The following GRB14 variants were observed in gnomAD, a reference collection of about 807,000 sequenced individuals.
GRB14 encodes growth factor receptor bound protein 14, also known as growth factor receptor-bound protein 14.
GRB14 carries 38 observed loss-of-function variants against 69.1 expected under a neutral mutation model. The observed-to-expected ratio is 0.55, with a 90% CI of 0.42 to 0.72. GRB14 has a LOEUF of 0.72. Among genes scored for constraint, GRB14 ranks in the 30% least tolerant of loss-of-function variants. The pLI is 0.00. For synonymous variants in GRB14, 247 were observed against 241.3 expected, an observed-to-expected ratio of 1.02 and a Z score of -0.22; for missense variants, 666 against 666.1, an observed-to-expected ratio of 1.00 and a Z score of 0.00.
chr2:164,539,859 A>T (rs1320219332), intron 3 of GRB14: 2 of 152,260 alleles, frequency 1.3e-5, no homozygotes, highest in Non-Finnish European at 2.9e-5. Flanking sequence ...AGTAGAAATG[A>T]CAGATAGGTG....
chr2:164,568,049 C>A (rs932740483), intron 2 of GRB14, among the ~76,000 whole-genome samples: 1 of 152,086 alleles, frequency 6.6e-6, no homozygotes, highest in Non-Finnish European at 1.5e-5. Context: ...AGTTTCAATA[C>A]AGTCTCTAAA....
At chr2:164,585,241 C>T (rs1689512261) in intron 2 of GRB14, among the ~76,000 whole-genome samples, 1 of 151,440 alleles carries the variant, frequency 6.6e-6, no homozygotes, top group Non-Finnish European at 1.5e-5. Flanking sequence ...AACCATTGCA[C>T]CTGGCCATGC....
At chr2:164,549,921 A>C (rs914000072) in intron 2 of GRB14, among the ~76,000 whole-genome samples, 1 of 139,824 alleles carries the variant, frequency 7.2e-6, no homozygotes, top group Non-Finnish European at 1.5e-5. Flanking sequence ...AATAAAATAA[A>C]ATAAAATAAA....
Position 164,602,439 on chromosome 2 carries a change from C to A in GRB14, c.324+17248G>T, listed in dbSNP as rs150129553. On this transcript the variant is annotated intron_variant, in intron 2 of 13. Transcript: ENST00000263915. ...ATTGAGATTTACATAGGGATGGAGA[C>A]AATATCCTGAAAAAAATGTGCAATT... 5.0e-3 allele frequency among the ~76,000 whole-genome samples: 768 copies of A among 152,182 alleles called. 5 individuals are homozygous for A. The highest frequency in any genetic ancestry group is 0.014 in the Middle Eastern group (4 of 294).
chr2:164,540,785 G>C (rs1300722702), intron 3 of GRB14, among the ~76,000 whole-genome samples: 6 of 152,030 alleles, frequency 3.9e-5, no homozygotes, highest in Non-Finnish European at 8.8e-5. Context: ...AATACTTTTT[G>C]TCTGTTTTGC....
Position 164,573,666 on chromosome 2 carries a change from T to C in GRB14, c.325-25850A>G, listed in dbSNP as rs1056079273. On this transcript the variant is annotated intron_variant, in intron 2 of 13. Coordinates refer to ENST00000263915, the MANE Select transcript of GRB14 (RefSeq NM_004490.3). ...TCATCTTTTCTTTATGGTTCTTCAG[T>C]AGAAGCCAGAATCTTGAGTTGCCCA... The C allele has an allele frequency of 2.5e-6, 4 of 1,581,680 alleles. No homozygotes were observed. The African/African-American group carries it at 4.1e-5, about 16-fold the overall frequency.
chr2:164,619,857 C>A (rs1269790755), intron 1 of GRB14, 38 bp from the exon 2 acceptor site: 1 of 1,541,850 alleles, frequency 6.5e-7, no homozygotes, highest in Non-Finnish European at 8.9e-7. Context: ...TTACATAAAA[C>A]AGAATGTAAA....
chr2:164,551,548 A>C (rs1365262483), intron 2 of GRB14, among the ~76,000 whole-genome samples: 1 of 152,192 alleles, frequency 6.6e-6, no homozygotes, highest in Non-Finnish European at 1.5e-5. Flanking sequence ...GTCCTATGGA[A>C]TAGATCACTA....
At chr2:164,496,249 A>T (rs895737181) in intron 12 of GRB14, among the ~76,000 whole-genome samples, 3 of 152,206 alleles carry the variant, frequency 2.0e-5, no homozygotes, top group African/African-American at 7.2e-5. Flanking sequence ...TAAATTGATA[A>T]TGATTTCATT....
At chr2:164,582,570 G>A (rs1438750699) in intron 2 of GRB14, among the ~76,000 whole-genome samples, 2 of 151,858 alleles carry the variant, frequency 1.3e-5, no homozygotes, top group African/African-American at 2.4e-5. Context: ...ACAGTCACCC[G>A]CCACCATGCC....
At chr2:164,563,975 GTAA>G (rs1404073792) in intron 2 of GRB14, among the ~76,000 whole-genome samples, 1 of 152,086 alleles carries the variant, frequency 6.6e-6, no homozygotes, top group Non-Finnish European at 1.5e-5. Context: ...TATTTAAAAG[GTAA>G]TAATAAAATT....
intron 3 of GRB14, among the ~76,000 whole-genome samples, chr2:164,541,912 G>A (rs1461202290): frequency 6.6e-6 from 1 of 152,046 alleles, no homozygotes; most frequent in Non-Finnish European, 1.5e-5. Flanking sequence ...CTATGTCCAT[G>A]AGTATCCAAT....
intron 2 of GRB14, 80 bp downstream of exon 2, chr2:164,619,607 G>A: frequency 1.1e-6 from 1 of 930,974 alleles, no homozygotes; most frequent in Non-Finnish European, 1.6e-6. Flanking sequence ...TGTTAATACT[G>A]TAAATTACGG....
intron 2 of GRB14, among the ~76,000 whole-genome samples, chr2:164,584,910 G>C (rs889855865): frequency 6.6e-6 from 1 of 151,770 alleles, no homozygotes. Flanking sequence ...AACTAGAAGA[G>C]AGAATGCATT....
chr2:164,499,905 T>C (rs1423554678), intron 9 of GRB14, among the ~76,000 whole-genome samples: 1 of 152,186 alleles, frequency 6.6e-6, no homozygotes, highest in Non-Finnish European at 1.5e-5. Context: ...AGAAATGTAA[T>C]GGTTTCTAGA....
chr2:164,540,930 T>C (rs576103404), intron 3 of GRB14, among the ~76,000 whole-genome samples: 9 of 152,034 alleles, frequency 5.9e-5, no homozygotes, highest in Non-Finnish European at 1.3e-4. Context: ...ATCTGTAAAA[T>C]GACAAGTAAA....
chr2:164,603,044 G>C (rs1327352309), intron 2 of GRB14, among the ~76,000 whole-genome samples: 1 of 152,140 alleles, frequency 6.6e-6, no homozygotes, highest in Non-Finnish European at 1.5e-5. Flanking sequence ...AGATGGAAAG[G>C]ATTAGAGGCA....
At chr2:164,506,213 G>A (rs993964075) in intron 8 of GRB14, among the ~76,000 whole-genome samples, 2 of 152,128 alleles carry the variant, frequency 1.3e-5, no homozygotes, top group Non-Finnish European at 2.9e-5. Flanking sequence ...AGGATGGGGC[G>A]GGGACCACAT....
intron 2 of GRB14, among the ~76,000 whole-genome samples, chr2:164,564,508 A>C (rs897366637): frequency 2.0e-5 from 3 of 152,204 alleles, no homozygotes; most frequent in Admixed American, 1.3e-4. Flanking sequence ...ATGAATGGGG[A>C]ATTAGATCTT....
Sources: allele counts gnomAD v4.1 joint callset (sites outside exome capture counted in the v4.1 genomes callset), GRCh38; gene constraint gnomAD v4.1.1; transcripts MANE v1.5; gene names NCBI Gene and HGNC (gene_info 2026-07-23, HGNC 2026-07-21).